ASTN2: variants seen among roughly 807,000 people sequenced by gnomAD.
The protein encoded by ASTN2 is astrotactin 2.
In ASTN2, 54 loss-of-function variants were observed where a neutral mutation model predicts 139.8. That is an observed-to-expected ratio of 0.39 (90% confidence interval 0.31 to 0.48). The LOEUF is 0.48. ASTN2 is among the 20% of genes least tolerant of loss of function. The pLI, the probability that ASTN2 is intolerant of heterozygous loss-of-function variation, is 0.95. For missense variants in ASTN2, 1,565 were observed against 1,725.1 expected (o/e 0.91, Z 1.64); for synonymous variants, 756 against 719.5 (o/e 1.05, Z -0.81).
chr9:116,507,826 A>G (rs188357879), intron 19 of ASTN2, among the ~76,000 whole-genome samples: 26 of 152,292 alleles, frequency 1.7e-4, no homozygotes, highest in Non-Finnish European at 3.1e-4. Flanking sequence ...TTTAGTTTAC[A>G]GGGACCTCAT....
chr9:117,051,852 A>G (rs1838920006), intron 5 of ASTN2, among the ~76,000 whole-genome samples: 1 of 152,114 alleles, frequency 6.6e-6, no homozygotes, highest in South Asian at 2.1e-4. Context: ...AGCTTCCATG[A>G]CAATGTTCAC....
chr9:117,366,041 C>T (rs1231744064), intron 1 of ASTN2, among the ~76,000 whole-genome samples: 4 of 152,154 alleles, frequency 2.6e-5, no homozygotes, highest in African/African-American at 7.2e-5. Flanking sequence ...GGCCTCTGTT[C>T]GTTTCCCCTT....
chr9:117,003,121 A>C (rs1837238904), intron 7 of ASTN2, among the ~76,000 whole-genome samples: 1 of 152,208 alleles, frequency 6.6e-6, no homozygotes, highest in East Asian at 1.9e-4. Context: ...CCAGGACACA[A>C]GGCAAATACA....
chr9:116,728,084 G>T (rs948444197), intron 15 of ASTN2, among the ~76,000 whole-genome samples: 1 of 152,086 alleles, frequency 6.6e-6, no homozygotes, highest in Non-Finnish European at 1.5e-5. Flanking sequence ...CCTAGGTCAG[G>T]CCTCATCTTT....
chr9:117,294,847 A>G (rs777250865), intron 1 of ASTN2, among the ~76,000 whole-genome samples: 2 of 151,922 alleles, frequency 1.3e-5, no homozygotes, highest in Non-Finnish European at 2.9e-5. Flanking sequence ...TCTGCCCAAC[A>G]TTCCTAGCGC....
intron 3 of ASTN2, among the ~76,000 whole-genome samples, chr9:117,209,276 A>G (rs924018214): frequency 3.9e-5 from 6 of 152,180 alleles, no homozygotes; most frequent in African/African-American, 1.4e-4. Context: ...GGATGAAAAA[A>G]TAAGACAAAA....
At chr9:116,629,311 G>C (rs1414687104) in intron 17 of ASTN2, among the ~76,000 whole-genome samples, 1 of 151,970 alleles carries the variant, frequency 6.6e-6, no homozygotes, top group Non-Finnish European at 1.5e-5. Flanking sequence ...TAGAGATGGG[G>C]TTTCACTGTG....
At chr9:116,664,437 G>GTATATGTA (rs1347840393) in intron 16 of ASTN2, among the ~76,000 whole-genome samples, 1 of 147,914 alleles carries the variant, frequency 6.8e-6, no homozygotes, top group Non-Finnish European at 1.5e-5. Flanking sequence ...ATATATATAT[G>GTATATGTA]TATATGTATA....
At chr9:116,616,780 G>GACACACAC (rs59771463) in intron 19 of ASTN2, among the ~76,000 whole-genome samples, 3 of 149,582 alleles carry the variant, frequency 2.0e-5, no homozygotes, top group Non-Finnish European at 4.5e-5. Context: ...GAAGGACAAA[G>GACACACAC]ACACACACAC....
At chr9:116,645,407 G>A (rs1364780576) in intron 17 of ASTN2, among the ~76,000 whole-genome samples, 1 of 151,990 alleles carries the variant, frequency 6.6e-6, no homozygotes, top group Non-Finnish European at 1.5e-5. Flanking sequence ...TATAATCAAG[G>A]GCTCGTTTCC....
At chr9:117,329,180 C>CTTTTTT (rs749880987) in intron 1 of ASTN2, among the ~76,000 whole-genome samples, 10 of 82,554 alleles carry the variant, frequency 1.2e-4, no homozygotes, top group East Asian at 9.2e-4. Flanking sequence ...CTTCCAAGTT[C>CTTTTTT]TTTTTTTTTT....
chr9:117,258,386 C>T (rs1833742188), intron 2 of ASTN2, among the ~76,000 whole-genome samples: 2 of 152,172 alleles, frequency 1.3e-5, no homozygotes, highest in African/African-American at 2.4e-5. Context: ...TCTCAACGCA[C>T]AACTCAGACT....
intron 16 of ASTN2, chr9:116,700,022 A>C: frequency 2.5e-6 from 1 of 397,898 alleles, no homozygotes; most frequent in Non-Finnish European, 4.7e-6. Context: ...CCATGTTTGA[A>C]ATTTGCCCTT....
intron 10 of ASTN2, among the ~76,000 whole-genome samples, chr9:116,936,182 C>G (rs1179544720): frequency 2.2e-5 from 3 of 135,836 alleles, no homozygotes; most frequent in Non-Finnish European, 3.2e-5. Context: ...AACACCATCG[C>G]CACCACCAGT....
Position 116,618,408 on chromosome 9 carries a change from G to T in ASTN2, c.3271C>A (p.Gln1091Lys). 1 of 1,614,150 alleles carries T rather than the reference G, an allele frequency of 6.2e-7. No homozygotes were observed. The highest frequency in any genetic ancestry group is 8.5e-7 in the Non-Finnish European group (1 of 1,180,010). ...GAGACCTTGGTCCCAATAGCTGGCT[G>T]AACATCCACCCACTCCAAGGAGACC... ...TVVSLEWVDV[Q>K]PAIGTKVSDY... The change falls in exon 19 of 23, where the codon CAG becomes AAG. Residue 1091 changes from glutamine to lysine, a missense_variant. This residue lies in a region of ASTN2 where 418 missense variants were observed against 465.8 expected (regional missense o/e 0.90). Transcript: ENST00000313400.
chr9:117,336,354 G>A (rs975639637), intron 1 of ASTN2, among the ~76,000 whole-genome samples: 2 of 152,098 alleles, frequency 1.3e-5, no homozygotes, highest in Admixed American at 6.6e-5. Context: ...CATTCAGCTA[G>A]GGAGATCTCA....
chr9:117,071,584 G>A (rs1002297875), intron 5 of ASTN2, among the ~76,000 whole-genome samples: 2 of 150,410 alleles, frequency 1.3e-5, no homozygotes, highest in African/African-American at 4.9e-5. Flanking sequence ...GCAAGCCTGG[G>A]CAATGGCGGG....
Position 117,008,105 on chromosome 9 carries a change from G to A in ASTN2, c.1578C>T (p.Cys526=), listed in dbSNP as rs140337955. ...CCCATGGCTCACCGGTTTCTGGGTC[G>A]CAGAGCTGCTCACAGGCATCTGTCG... ...QRTTDACEQL[C]DPETGECSCH... is the part of the protein sequence containing the mutation. The change falls in exon 7 of 23, where the codon TGC becomes TGT. Residue 526 remains cysteine, a synonymous_variant. Coordinates refer to ENST00000313400, the MANE Select transcript of ASTN2 (RefSeq NM_001365068.1). The A allele has an allele frequency of 3.1e-5, 49 of 1,591,638 alleles. No individual in the cohort carries two copies. In the East Asian group the frequency reaches 7.0e-4, roughly 23 times the overall value.
chr9:117,072,264 T>C (rs1048386918), intron 5 of ASTN2, among the ~76,000 whole-genome samples: 3 of 152,214 alleles, frequency 2.0e-5, no homozygotes, highest in African/African-American at 7.2e-5. Context: ...GAATTTATCT[T>C]GTTTGGTATT....
Sources: allele counts gnomAD v4.1 joint callset (sites outside exome capture counted in the v4.1 genomes callset), GRCh38; gene constraint gnomAD v4.1.1; regional missense constraint gnomAD v4.1.1; transcripts MANE v1.5; gene names NCBI Gene and HGNC (gene_info 2026-07-23, HGNC 2026-07-21).